The following PCDHA11 variants were observed in gnomAD, a reference collection of about 807,000 sequenced individuals.
PCDHA11 encodes protocadherin alpha-11.
Under a neutral mutation model 70.3 loss-of-function variants are expected in PCDHA11, and 61 were observed. That is an observed-to-expected ratio of 0.87 (90% confidence interval 0.71 to 1.07). The LOEUF (loss-of-function observed/expected upper bound fraction) is 1.07. PCDHA11 is among the 50% of genes least tolerant of loss of function. PCDHA11 has a pLI of 0.00. For missense variants in PCDHA11, 1,324 were observed against 1,237.5 expected, an observed-to-expected ratio of 1.07 and a Z score of -1.05; for synonymous variants, 633 against 555.1, an observed-to-expected ratio of 1.14 and a Z score of -1.97.
chr5:140,889,760 A>T (rs1228592233), intron 1 of PCDHA11, among the ~76,000 whole-genome samples: 1 of 152,158 alleles, frequency 6.6e-6, no homozygotes, highest in Admixed American at 6.5e-5. Flanking sequence ...CTTTCCTTGA[A>T]CTTTGACTGG....
intron 1 of PCDHA11, among the ~76,000 whole-genome samples, chr5:140,923,413 G>T (rs2081347795): frequency 6.6e-6 from 1 of 152,062 alleles, no homozygotes; most frequent in Non-Finnish European, 1.5e-5. Context: ...CTATAATCCT[G>T]GCTACTTGGG....
At chr5:141,005,861 C>T (rs921854027) in intron 3 of PCDHA11, among the ~76,000 whole-genome samples, 2 of 151,860 alleles carry the variant, frequency 1.3e-5, no homozygotes, top group Admixed American at 6.6e-5. Flanking sequence ...ACAGGAGGGT[C>T]GATTGAGTCC....
At chr5:140,927,725 C>CA in intron 1 of PCDHA11, 1 of 1,614,202 alleles carries the variant, frequency 6.2e-7, no homozygotes, top group Non-Finnish European at 8.5e-7. Context: ...AGCACGCAAG[C>CA]AGAGCTGCGA....
rs2051578395 is a variant in PCDHA11, at chr5:140,870,008, G to A, written c.905G>A (p.Arg302Lys). 2 of 1,613,528 alleles carry A rather than the reference G, an allele frequency of 1.2e-6. No homozygotes were observed. Among genetic ancestry groups the A allele is most frequent in the Non-Finnish European group, 1.7e-6 (2 of 1,179,822 alleles). Reference sequence around the variant, plus strand: ...CTAGATCAAAATAATGGAGAAGTGAGGGTCAATGGAACTTTAGATTATGAA... The same window carrying A: ...CTAGATCAAAATAATGGAGAAGTGAAGGTCAATGGAACTTTAGATTATGAA... The part of the protein sequence containing the change: ...FTLDQNNGEV[R>K]VNGTLDYEEN... Residue 302 changes from arginine to lysine, a missense_variant, in exon 1 of 4, where the codon AGG becomes AAG. Arg to Lys is a conservative substitution (Grantham distance 26). Transcript: ENST00000398640.
chr5:140,952,406 T>G (rs2094740405), intron 1 of PCDHA11, among the ~76,000 whole-genome samples: 1 of 151,900 alleles, frequency 6.6e-6, no homozygotes, highest in Admixed American at 6.6e-5. Flanking sequence ...ATTCTCAAAT[T>G]TAATGTTCCG....
intron 1 of PCDHA11, among the ~76,000 whole-genome samples, chr5:140,933,649 T>G (rs1259214104): frequency 6.6e-6 from 1 of 152,058 alleles, no homozygotes; most frequent in Non-Finnish European, 1.5e-5. Flanking sequence ...AAGTTGGAAA[T>G]CCTGTCTCTC....
chr5:140,953,607 G>A (rs1040886184), intron 1 of PCDHA11, among the ~76,000 whole-genome samples: 21 of 152,152 alleles, frequency 1.4e-4, no homozygotes, highest in African/African-American at 4.8e-4. Flanking sequence ...ATTCCCCAGA[G>A]TCCTTAGATA....
At chr5:140,905,910 A>G (rs2153491860) in intron 1 of PCDHA11, among the ~76,000 whole-genome samples, 1 of 152,334 alleles carries the variant, frequency 6.6e-6, no homozygotes, top group Admixed American at 6.5e-5. Context: ...GGAGCAAGGA[A>G]TCCAATCTGA....
At chr5:140,927,601 G>A (rs1490799029) in intron 1 of PCDHA11, 1 of 1,614,198 alleles carries the variant, frequency 6.2e-7, no homozygotes, top group Non-Finnish European at 8.5e-7. Flanking sequence ...TGAGCGCTCC[G>A]TATACCGCAC....
intron 1 of PCDHA11, among the ~76,000 whole-genome samples, chr5:140,961,895 T>A (rs1453853880): frequency 6.6e-6 from 1 of 152,012 alleles, no homozygotes; most frequent in Non-Finnish European, 1.5e-5. Flanking sequence ...CAGTTTTTTT[T>A]TTTTTTGAGA....
chr5:140,968,267 A>G, intron 1 of PCDHA11: 1 of 1,613,984 alleles, frequency 6.2e-7, no homozygotes, highest in Non-Finnish European at 8.5e-7. Flanking sequence ...TGAAAAGGAG[A>G]ATGCAGAGGT....
chr5:140,981,690 A>C (rs1410954672), intron 2 of PCDHA11, among the ~76,000 whole-genome samples: 1 of 150,712 alleles, frequency 6.6e-6, no homozygotes, highest in Non-Finnish European at 1.5e-5. Flanking sequence ...CCCTTCCATC[A>C]TTCATTCATT....
chr5:140,877,266 C>T, intron 1 of PCDHA11: 1 of 1,613,808 alleles, frequency 6.2e-7, no homozygotes, highest in Non-Finnish European at 8.5e-7. Flanking sequence ...GCGCGGTGGA[C>T]GCTGACTCCG....
chr5:140,927,529 C>G, intron 1 of PCDHA11: 2 of 1,614,098 alleles, frequency 1.2e-6, no homozygotes, highest in South Asian at 1.1e-5. Flanking sequence ...GCTACCTGCC[C>G]GCTCAGGAGA....
At chr5:140,998,210 A>G (rs2097801454) in intron 3 of PCDHA11, among the ~76,000 whole-genome samples, 1 of 152,218 alleles carries the variant, frequency 6.6e-6, no homozygotes, top group South Asian at 2.1e-4. Flanking sequence ...TTTAATCTGT[A>G]TAACCACACC....
Position 140,924,861 on chromosome 5 carries a change from C to T in PCDHA11, c.2391+53367C>T, listed in dbSNP as rs150955497. ...AGGGAGCTCAGATCGTGCCACTGCA[C>T]TCCAGCCTGGGTGACAGAGCAAGAA... On this transcript the variant is annotated intron_variant, in intron 1 of 3. Transcript: ENST00000398640. Among the ~76,000 whole-genome samples, 427 of 150,140 alleles carry T rather than the reference C, an allele frequency of 2.8e-3. 1 individual carries two copies. The highest frequency in any genetic ancestry group is 0.01 in the African/African-American group (408 of 40,512).
intron 1 of PCDHA11, among the ~76,000 whole-genome samples, chr5:140,917,447 A>T (rs155358): frequency 0.58 from 87,947 of 151,944 alleles, 26,404 homozygotes; most frequent in African/African-American, 0.75. Flanking sequence ...TTGCTGCAAG[A>T]GCGTTTGGCA....
At chr5:140,913,318 T>C (rs953831117) in intron 1 of PCDHA11, among the ~76,000 whole-genome samples, 1 of 152,188 alleles carries the variant, frequency 6.6e-6, no homozygotes, top group African/African-American at 2.4e-5. Flanking sequence ...CTTGGTAAGT[T>C]GTATGTGTCT....
rs562721543 is a variant in PCDHA11, at chr5:140,968,426, A to G, written c.2392-10523A>G. ...CTTTGTGACTGTGGAGGCTCAGGAC[A>G]AGGGGAGCCCACCACTGAGCAGCAC... On this transcript the variant is annotated intron_variant, in intron 1 of 3. Transcript: ENST00000398640. 135 of 1,614,020 alleles carry G rather than the reference A, an allele frequency of 8.4e-5. 2 individuals carry two copies. In the South Asian group the frequency reaches 1.4e-3, roughly 16 times the overall value.
Sources: gnomAD v4.1 joint callset for allele counts (sites outside exome capture counted in the v4.1 genomes callset) on GRCh38, gnomAD v4.1.1 for gene constraint, MANE v1.5 for transcripts, NCBI Gene and HGNC (gene_info 2026-07-23, HGNC 2026-07-21) for gene names.